Variants in TRMT10B observed in about 807,000 individuals in gnomAD.
TRMT10B encodes tRNA methyltransferase 10B.
TRMT10B carries 33 observed loss-of-function variants against 43.8 expected under a neutral mutation model. That is an observed-to-expected ratio of 0.75 (90% CI 0.57 to 1.01). TRMT10B has a LOEUF of 1.01. Among genes scored for constraint, TRMT10B ranks in the 50% least tolerant of loss-of-function variants. TRMT10B has a pLI of 0.00. For synonymous variants in TRMT10B, 137 were observed against 130.6 expected (o/e 1.05, Z -0.34); for missense variants, 362 against 369.8 (o/e 0.98, Z 0.17).
At chr9:37,765,319 A>G (rs369616954) in intron 4 of TRMT10B, among the ~76,000 whole-genome samples, 31 of 152,106 alleles carry the variant, frequency 2.0e-4, no homozygotes, top group African/African-American at 6.0e-4. Context: ...TCATTGTTCA[A>G]TTCCCACCTA....
rs773184391 is a variant in TRMT10B, at chr9:37,776,328, G to A, written c.767G>A (p.Arg256His). ...CGGGAATACTCTGTCAAGACCGCAC[G>A]CTTGCCAATCCAGGAATACATGGTC... Reference protein sequence around the residue: ...KAREYSVKTARLPIQEYMVRN... With the variant: ...KAREYSVKTAHLPIQEYMVRN... The change falls in exon 8 of 9, where the codon CGC becomes CAC. Residue 256 changes from arginine (R) to histidine (H), a missense_variant. Arg to His is a conservative substitution (Grantham distance 29, BLOSUM62 0). Transcript: ENST00000297994. 9.3e-6 allele frequency: 15 copies of A among 1,611,542 alleles called. No individual in the cohort carries two copies. The highest frequency in any genetic ancestry group is 4.5e-5 in the East Asian group (2 of 44,648).
In TRMT10B at chr9:37,768,129, A is replaced by T. The variant is rs551248574; in HGVS notation, c.474A>T (p.Lys158Asn). 5 of 1,614,234 alleles carry T rather than the reference A, an allele frequency of 3.1e-6. No individual in the cohort carries two copies. Among genetic ancestry groups the T allele is most frequent in the Admixed American group, 1.7e-5 (1 of 60,022 alleles). ...GAAGGTTGTATGGTTCAAACAAAAA[A>T]GCTGACAGGCCATTTTGGATCTGCC... is the stretch of plus-strand genomic sequence containing the variant. ...QIRRLYGSNK[K>N]ADRPFWICLT... The change falls in exon 5 of 9, where the codon AAA becomes AAT. Residue 158 changes from lysine (K) to asparagine (N), a missense_variant. By Grantham distance (94) the Lys-to-Asn change is moderately conservative (BLOSUM62 0). Transcript: ENST00000297994.
At chr9:37,766,178 C>T (rs1454916968) in intron 4 of TRMT10B, among the ~76,000 whole-genome samples, 2 of 151,940 alleles carry the variant, frequency 1.3e-5, no homozygotes, top group Non-Finnish European at 2.9e-5. Context: ...AATGGTATTG[C>T]CTAGGTTTTC....
At chr9:37,755,496 C>G (rs1312007372) in intron 1 of TRMT10B, among the ~76,000 whole-genome samples, 1 of 152,114 alleles carries the variant, frequency 6.6e-6, no homozygotes, top group African/African-American at 2.4e-5. Context: ...TCTGTGATGT[C>G]CAACTTCACC....
At chr9:37,777,551 TTC>T (rs1293653396) in intron 8 of TRMT10B, 48 bp from the exon 9 acceptor site, 1 of 1,426,544 alleles carries the variant, frequency 7.0e-7, no homozygotes, top group Non-Finnish European at 9.9e-7. Flanking sequence ...CATTTACTCG[TTC>T]TTTTTTTCCC....
intron 7 of TRMT10B, among the ~76,000 whole-genome samples, 199 bp downstream of exon 7, chr9:37,770,938 G>A (rs749807004): frequency 1.3e-5 from 2 of 152,194 alleles, no homozygotes; most frequent in Non-Finnish European, 2.9e-5. Flanking sequence ...ATCAAGAGTC[G>A]GGAACTGGAC....
At chr9:37,763,043 T>C (rs1269868780) in intron 3 of TRMT10B, among the ~76,000 whole-genome samples, 1 of 145,762 alleles carries the variant, frequency 6.9e-6, no homozygotes, top group Non-Finnish European at 1.5e-5. Flanking sequence ...TTTGGGAGGC[T>C]GAGGCAGGAG....
At chr9:37,775,890 C>T (rs1828086295) in intron 7 of TRMT10B, among the ~76,000 whole-genome samples, 1 of 152,208 alleles carries the variant, frequency 6.6e-6, no homozygotes, top group African/African-American at 2.4e-5. Context: ...GTGCACCTGT[C>T]TTGAATCTTG....
rs879379353 is a variant in TRMT10B at position 37,755,424 on chromosome 9, C to CA, written c.-30+1581dup. On this transcript the variant is annotated intron_variant, in intron 1 of 8. Coordinates refer to ENST00000297994, the MANE Select transcript of TRMT10B (RefSeq NM_144964.4). The stretch of plus-strand genomic sequence containing the variant: ...TGGTTAAAATGGTAGTTCCTATGTC[C>CA]AAAAAAAAATGCTAAATTTGGGCAT... Among the ~76,000 whole-genome samples the CA allele has an allele frequency of 6.9e-4, 104 of 150,004 alleles. 1 individual carries two copies. The highest frequency in any genetic ancestry group is 3.8e-3 in the South Asian group (18 of 4,750).
intron 3 of TRMT10B, 104 bp downstream of exon 3, chr9:37,762,789 G>C: frequency 3.7e-6 from 5 of 1,356,530 alleles, no homozygotes; most frequent in Non-Finnish European, 4.9e-6. Context: ...AAAGCATCTG[G>C]GATGTGGGAC....
Position 37,763,721 on chromosome 9 carries a change from G to C in TRMT10B, c.388G>C (p.Asp130His). 5 of 1,614,036 alleles carry C rather than the reference G, an allele frequency of 3.1e-6. No homozygotes were observed. Among genetic ancestry groups the C allele is most frequent in the Non-Finnish European group, 4.2e-6 (5 of 1,179,988 alleles). The change falls in exon 4 of 9, where the codon GAT becomes CAT. Residue 130 changes from aspartate (D) to histidine (H), a missense_variant. Coordinates refer to ENST00000297994, the MANE Select transcript of TRMT10B (RefSeq NM_144964.4). Reference protein sequence around the residue: ...AKHSGPRLCIDLSMTHYMSKK... With the variant: ...AKHSGPRLCIHLSMTHYMSKK... ...ACACTCAGGACCAAGACTATGTATCGATTTGAGTATGACCCACTACATGTC... is the reference window on the plus strand; with the variant it reads ...ACACTCAGGACCAAGACTATGTATCCATTTGAGTATGACCCACTACATGTC...
At chr9:37,756,296 T>C (rs891492946) in intron 1 of TRMT10B, among the ~76,000 whole-genome samples, 1 of 152,230 alleles carries the variant, frequency 6.6e-6, no homozygotes, top group Non-Finnish European at 1.5e-5. Flanking sequence ...AATGTTTTCA[T>C]TTGTTATTTT....
chr9:37,763,528 T>C, intron 3 of TRMT10B, 101 bp from the exon 4 acceptor site: 1 of 1,007,112 alleles, frequency 9.9e-7, no homozygotes, highest in Non-Finnish European at 1.5e-6. Context: ...CAGTATCAAG[T>C]TTCTCTTTAT....
At chr9:37,770,049 G>C in intron 6 of TRMT10B, 30 bp downstream of exon 6, 2 of 1,567,860 alleles carry the variant, frequency 1.3e-6, no homozygotes, top group Admixed American at 3.3e-5. Context: ...GATTCGTATA[G>C]CCCATTGTTC....
intron 4 of TRMT10B, 102 bp downstream of exon 4, chr9:37,763,855 TTAGTAAAC>T (rs772646811): frequency 2.2e-5 from 35 of 1,601,584 alleles, no homozygotes; most frequent in Admixed American, 8.5e-5. Context: ...CTGGGATTCC[TTAGTAAAC>T]TAGTAAAGTG....
intron 4 of TRMT10B, 87 bp downstream of exon 4, chr9:37,763,840 A>C (rs1826683905): frequency 1.2e-6 from 2 of 1,608,574 alleles, no homozygotes; most frequent in Admixed American, 1.7e-5. Flanking sequence ...GGTCAACTCC[A>C]GCTTCTGGGA....
chr9:37,765,243 C>T (rs1053836288), intron 4 of TRMT10B, among the ~76,000 whole-genome samples: 1 of 152,100 alleles, frequency 6.6e-6, no homozygotes, highest in African/African-American at 2.4e-5. Flanking sequence ...GCTGTCCTTC[C>T]CCCCGTCCCC....
At chr9:37,753,109 A>G (rs1478396999), upstream of TRMT10B, among the ~76,000 whole-genome samples, 5 of 151,774 alleles carry the variant, frequency 3.3e-5, no homozygotes, top group Non-Finnish European at 5.9e-5. Context: ...CTCTTAAGAG[A>G]TTTAACACTC....
At position 37,778,849 on chromosome 9, in the gene TRMT10B, T is replaced by A. The variant is rs1828452742; in HGVS notation, c.*1142T>A. ...GGGCATGGAGGGCTTCTCTTCCTAA[T>A]CCTTCCTAATGGTAGGATCCTAACA... On this transcript the variant is annotated 3_prime_UTR_variant, in exon 9 of 9. Transcript: ENST00000297994. 1 of 152,164 alleles carries A rather than the reference T, an allele frequency of 6.6e-6. No individual in the cohort carries two copies. Among genetic ancestry groups the A allele is most frequent in the Admixed American group, 6.5e-5 (1 of 15,278 alleles). The allele number at this position is 152,164 out of a possible 1,614,324, so 9.4% of individuals were successfully genotyped here.
Sources: gnomAD v4.1 joint callset for allele counts (sites outside exome capture counted in the v4.1 genomes callset) on GRCh38, gnomAD v4.1.1 for gene constraint, MANE v1.5 for transcripts, NCBI Gene and HGNC (gene_info 2026-07-23, HGNC 2026-07-21) for gene names.